ARHGDIG: variants seen among roughly 807,000 people sequenced by gnomAD.
The protein encoded by ARHGDIG is rho GDP-dissociation inhibitor 3.
In ARHGDIG, 14 loss-of-function variants were observed where a neutral mutation model predicts 20.2. The ratio of observed to expected loss-of-function variants is 0.69; its 90% CI spans 0.46 to 1.08. The LOEUF is 1.08. Among genes scored for constraint, ARHGDIG ranks in the 50% least tolerant of loss-of-function variants. The probability of loss-of-function intolerance (pLI) is 0.00; values close to 1 mark genes in which losing one functional copy is unlikely to be tolerated. For synonymous variants in ARHGDIG, 193 were observed against 138.6 expected, an observed-to-expected ratio of 1.39 and a Z score of -2.76; for missense variants, 311 against 301.8, an observed-to-expected ratio of 1.03 and a Z score of -0.23.
In ARHGDIG at chr16:280,863, G is replaced by A; in HGVS notation, c.73+110G>A. The A allele has an allele frequency of 9.7e-6, 6 of 619,382 alleles. No individual in the cohort carries two copies. The highest frequency in any genetic ancestry group is 1.3e-5 in the Non-Finnish European group (6 of 466,882). The allele number at this position is 619,382 out of a possible 1,614,324, so 38.4% of individuals were successfully genotyped here. A position where few individuals can be genotyped will look rare whatever the true frequency, so the allele number is the denominator to read the frequency against. ...GCGCGCATGGGGACCTCGCGGCGCC[G>A]ACCCCCCGGCTGGGGTCTGGCAGGG... On this transcript the variant is annotated intron_variant, in intron 1 of 5. Coordinates refer to ENST00000219409, the MANE Select transcript of ARHGDIG (RefSeq NM_001176.4). This position sits in a 1 kb window ranked among gnomAD's most constrained non-coding sequence, Gnocchi z 6.6.
rs200937476 is a variant in ARHGDIG, at chr16:282,270, C to T, written c.338-27C>T. ...CAGGTCTCAGCCTGTAGGGGAGTTC[C>T]GACCCTAGCTGAGGTTTCCCCAATA... On this transcript the variant is annotated intron_variant, in intron 3 of 5. Transcript: ENST00000219409. 147 of 1,612,934 alleles carry T rather than the reference C, an allele frequency of 9.1e-5. 1 individual carries two copies. The African/African-American group carries it at 1.0e-3, about 11-fold the overall frequency.
At chr16:282,233 G>A (rs1482871251) in intron 3 of ARHGDIG, 64 bp from the exon 4 acceptor site, 2 of 1,608,970 alleles carry the variant, frequency 1.2e-6, no homozygotes, top group Non-Finnish European at 1.7e-6. Flanking sequence ...CCCTACGTGG[G>A]GGCTCCTGGA....
chr16:281,692 C>T, intron 1 of ARHGDIG, 54 bp from the exon 2 acceptor site: 1 of 1,497,950 alleles, frequency 6.7e-7, no homozygotes, highest in East Asian at 2.5e-5. Flanking sequence ...CAGCCTGGTG[C>T]TCGAATGCCA....
chr16:282,558 C>CGGGGG lies in ARHGDIG; in HGVS notation c.478+33_478+37dup. On this transcript the variant is annotated intron_variant, in intron 5 of 5. Transcript: ENST00000219409. ...GAGGGCAGCGGTGGGGGGAACGGGG[C>CGGGGG]GGGGGGGGGAAGCGGGGGCAGACAG... 18 of 1,310,062 alleles carry CGGGGG rather than the reference C, an allele frequency of 1.4e-5. No individual in the cohort carries two copies. In the Admixed American group the frequency reaches 1.8e-4, roughly 13 times the overall value. 81.2% of individuals were successfully genotyped at this position (1,310,062 alleles called of 1,614,324 possible).
chr16:281,982 G>T (rs2052290614), intron 2 of ARHGDIG, 43 bp from the exon 3 acceptor site: 1 of 1,601,404 alleles, frequency 6.2e-7, no homozygotes, highest in African/African-American at 1.3e-5. Context: ...GAGGAGCCTG[G>T]TGGGGGTGGG....
chr16:281,900 G>A lies in ARHGDIG; in HGVS notation c.228G>A (p.Leu76=), dbSNP rs756794428. ...DRSLAKYKRV[L]LGPLPPAVDP... is the part of the protein sequence containing the mutation. ...GCCTGGCCAAGTACAAGCGGGTGCT[G>A]CTGGGGCCCCTGCCACCGGCCGTGG... Residue 76 remains leucine (L), a synonymous_variant, in exon 2 of 6, where the codon CTG becomes CTA. Transcript: ENST00000219409. 2.5e-6 allele frequency: 4 copies of A among 1,607,372 alleles called. No homozygotes were observed. Among genetic ancestry groups the A allele is most frequent in the Middle Eastern group, 1.7e-4 (1 of 6,038 alleles).
rs2141442945 is a variant in ARHGDIG at position 280,745 on chromosome 16, G to A, written c.65G>A (p.Cys22Tyr). The A allele has an allele frequency of 1.5e-6, 2 of 1,293,874 alleles. No homozygotes were observed. The highest frequency in any genetic ancestry group is 3.4e-5 in the East Asian group (1 of 29,836). 80.1% of individuals were successfully genotyped at this position (1,293,874 alleles called of 1,614,324 possible). A position where few individuals can be genotyped will look rare whatever the true frequency, so the allele number is the denominator to read the frequency against. Residue 22 changes from cysteine (C) to tyrosine (Y), a missense_variant, in exon 1 of 6, where the codon TGC (cysteine) becomes TAC (tyrosine). By Grantham distance (194) the Cys-to-Tyr change is radical. Transcript: ENST00000219409. This position sits in a 1 kb window ranked among gnomAD's most constrained non-coding sequence, Gnocchi z 6.6. Reference protein sequence around the residue: ...QLLELLRLALCARVLLADKEG... With the variant: ...QLLELLRLALYARVLLADKEG... ...CTGGAGCTGCTCCGGCTGGCGCTGTGCGCCCGAGGTGAGCGGGCCGGGCAG... is the reference window on the plus strand; with the variant it reads ...CTGGAGCTGCTCCGGCTGGCGCTGTACGCCCGAGGTGAGCGGGCCGGGCAG...
rs1395253561 is a variant in ARHGDIG, at chr16:280,606, G to A, written c.-75G>A. On this transcript the variant is annotated 5_prime_UTR_variant, in exon 1 of 6. Transcript: ENST00000219409. The surrounding 1 kb of genome is among the most constrained non-coding windows in gnomAD (Gnocchi z 6.6). Reference sequence around the variant, plus strand: ...AGCTCACCGCAGTCGCGCCGGGGCTGAGCGCCGAGCGGGGCGGCGGCGGGG... The same window carrying A: ...AGCTCACCGCAGTCGCGCCGGGGCTAAGCGCCGAGCGGGGCGGCGGCGGGG... 2.3e-5 allele frequency: 17 copies of A among 730,736 alleles called. No homozygotes were observed. The highest frequency in any genetic ancestry group is 2.8e-5 in the Non-Finnish European group (17 of 600,132). The allele number at this position is 730,736 out of a possible 1,614,324, so 45.3% of individuals were successfully genotyped here. A position where few individuals can be genotyped will look rare whatever the true frequency, so the allele number is the denominator to read the frequency against.
Position 280,858 on chromosome 16 carries a change from G to A in ARHGDIG, c.73+105G>A. 1 of 660,356 alleles carries A rather than the reference G, an allele frequency of 1.5e-6. No homozygotes were observed. Among genetic ancestry groups the A allele is most frequent in the Non-Finnish European group, 2.0e-6 (1 of 502,838 alleles). 40.9% of individuals were successfully genotyped at this position (660,356 alleles called of 1,614,324 possible). A position where few individuals can be genotyped will look rare whatever the true frequency, so the allele number is the denominator to read the frequency against. ...TGGGGGCGCGCATGGGGACCTCGCG[G>A]CGCCGACCCCCCGGCTGGGGTCTGG... On this transcript the variant is annotated intron_variant, in intron 1 of 5. Transcript: ENST00000219409. This position sits in a 1 kb window ranked among gnomAD's most constrained non-coding sequence, Gnocchi z 6.6.
rs1420096514 is a variant in ARHGDIG at position 282,905 on chromosome 16, C to T, written c.*91C>T. ...ACCCCCCGTGAGTGACCAGACCCTC[C>T]CCTGCTGCCCCTGCTGCCCCTGCTG... On this transcript the variant is annotated 3_prime_UTR_variant, in exon 6 of 6. Transcript: ENST00000219409. 7 of 948,142 alleles carry T rather than the reference C, an allele frequency of 7.4e-6. No homozygotes were observed. In the South Asian group the frequency reaches 8.1e-5, roughly 11 times the overall value. 58.7% of individuals were successfully genotyped at this position (948,142 alleles called of 1,614,324 possible). A position where few individuals can be genotyped will look rare whatever the true frequency, so the allele number is the denominator to read the frequency against.
chr16:280,736 TG>T lies in ARHGDIG; in HGVS notation c.58del (p.Ala20ArgfsTer74). On this transcript the variant is annotated frameshift_variant, in exon 1 of 6. Transcript: ENST00000219409. LOFTEE classifies it high-confidence loss of function. This position sits in a 1 kb window ranked among gnomAD's most constrained non-coding sequence, Gnocchi z 6.6. ...LGAQLLELLR[L>X]ALCARVLLAD... ...GCGCAGCTGCTGGAGCTGCTCCGGC[TG>T]GCGCTGTGCGCCCGAGGTGAGCGGG... The T allele has an allele frequency of 1.5e-6, 2 of 1,294,968 alleles. No individual in the cohort carries two copies. Among genetic ancestry groups the T allele is most frequent in the South Asian group, 2.0e-5 (1 of 50,502 alleles). The allele number at this position is 1,294,968 out of a possible 1,614,324, so 80.2% of individuals were successfully genotyped here.
intron 1 of ARHGDIG, 72 bp from the exon 2 acceptor site, chr16:281,674 G>A: frequency 2.7e-6 from 4 of 1,463,028 alleles, no homozygotes; most frequent in South Asian, 1.3e-5. Context: ...GCTGGCCAGA[G>A]GGGGCTCCAG....
intron 2 of ARHGDIG, 23 bp downstream of exon 2, chr16:281,948 G>T (rs757699880): frequency 6.2e-7 from 1 of 1,600,704 alleles, no homozygotes; most frequent in East Asian, 2.2e-5. Context: ...TCTAGGCTTG[G>T]AGGGCTGGGT....
chr16:282,271 G>A (rs111793116), intron 3 of ARHGDIG, 26 bp from the exon 4 acceptor site: 161 of 1,612,878 alleles, frequency 1.0e-4, no homozygotes, highest in Middle Eastern at 1.7e-4. Context: ...GGGGAGTTCC[G>A]ACCCTAGCTG....
At chr16:282,168 A>C in intron 3 of ARHGDIG, 60 bp downstream of exon 3, 1 of 1,608,480 alleles carries the variant, frequency 6.2e-7, no homozygotes, top group Non-Finnish European at 8.5e-7. Flanking sequence ...ACGCTTCTGC[A>C]CCCCTGAGTT....
Position 282,223 on chromosome 16 carries a change from C to A in ARHGDIG, c.338-74C>A, listed in dbSNP as rs1019861125. 14 of 1,607,334 alleles carry A rather than the reference C, an allele frequency of 8.7e-6. No homozygotes were observed. The Admixed American group carries it at 2.2e-4, about 25-fold the overall frequency. ...AGTCGCACACCTCATGGGTACCACA[C>A]CCTACGTGGGGGCTCCTGGAGCAGG... On this transcript the variant is annotated intron_variant, in intron 3 of 5. Transcript: ENST00000219409.
chr16:282,271 G>T lies in ARHGDIG; in HGVS notation c.338-26G>T, dbSNP rs111793116. 64 of 1,612,754 alleles carry T rather than the reference G, an allele frequency of 4.0e-5. No individual in the cohort carries two copies. The African/African-American group carries it at 7.9e-4, about 20-fold the overall frequency. ...AGGTCTCAGCCTGTAGGGGAGTTCCGACCCTAGCTGAGGTTTCCCCAATAG... is the reference window on the plus strand; with the variant it reads ...AGGTCTCAGCCTGTAGGGGAGTTCCTACCCTAGCTGAGGTTTCCCCAATAG... On this transcript the variant is annotated intron_variant, in intron 3 of 5. Transcript: ENST00000219409.
In ARHGDIG at chr16:282,939, C is replaced by G. The variant is rs906235263; in HGVS notation, c.*125C>G. On this transcript the variant is annotated 3_prime_UTR_variant, in exon 6 of 6. Coordinates refer to ENST00000219409, the MANE Select transcript of ARHGDIG (RefSeq NM_001176.4). ...CCCTGCTGCCCCTGCTGCCCCTGCT[C>G]TGTCCCGGGACCCCCTGGCCTGGCG... 5 of 1,046,630 alleles carry G rather than the reference C, an allele frequency of 4.8e-6. No homozygotes were observed. The highest frequency in any genetic ancestry group is 1.6e-5 in the South Asian group (1 of 61,474). 64.8% of individuals were successfully genotyped at this position (1,046,630 alleles called of 1,614,324 possible).
chr16:281,804 T>C lies in ARHGDIG; in HGVS notation c.132T>C (p.Ala44=), dbSNP rs776238542. The change falls in exon 2 of 6, where the codon GCT becomes GCC. Residue 44 remains alanine, a synonymous_variant. Coordinates refer to ENST00000219409, the MANE Select transcript of ARHGDIG (RefSeq NM_001176.4). ...CAGTGGACGAGGTGTTGGATGAGGC[T>C]GTGCCCGAGTACCGGGCGCCGGGGA... ...PPAVDEVLDE[A]VPEYRAPGRK... 2 of 1,611,706 alleles carry C rather than the reference T, an allele frequency of 1.2e-6. No homozygotes were observed. Among genetic ancestry groups the C allele is most frequent in the East Asian group, 2.2e-5 (1 of 44,864 alleles).
Sources: gnomAD v4.1 joint callset for allele counts on GRCh38, gnomAD v4.1.1 for gene constraint, Gnocchi (gnomAD v3.1) non-coding constraint, MANE v1.5 for transcripts, NCBI Gene and HGNC (gene_info 2026-07-23, HGNC 2026-07-21) for gene names.